The following NUBPL variants were observed in gnomAD, a reference collection of about 807,000 sequenced individuals.
NUBPL encodes NUBP iron-sulfur cluster assembly factor, mitochondrial, also known as iron-sulfur cluster transfer protein NUBPL.
NUBPL carries 31 observed loss-of-function variants against 45.7 expected under a neutral mutation model. The ratio of observed to expected loss-of-function variants is 0.68; its 90% CI spans 0.51 to 0.92. The LOEUF is 0.92. Ranked by LOEUF, NUBPL falls within the 40% of genes least tolerant of loss-of-function variation. The pLI, the probability that NUBPL is intolerant of heterozygous loss-of-function variation, is 0.00. For synonymous variants in NUBPL, 144 were observed against 140.9 expected (o/e 1.02, Z -0.15); for missense variants, 401 against 398.7 (o/e 1.01, Z -0.05).
At chr14:31,744,175 A>G (rs2038346327) in intron 6 of NUBPL, among the ~76,000 whole-genome samples, 1 of 152,246 alleles carries the variant, frequency 6.6e-6, no homozygotes, top group South Asian at 2.1e-4. Flanking sequence ...AAGGTAGATT[A>G]ACAAATGAAT....
chr14:31,620,837 G>A (rs190418079), intron 4 of NUBPL, among the ~76,000 whole-genome samples: 1 of 152,324 alleles, frequency 6.6e-6, no homozygotes, highest in African/African-American at 2.4e-5. Flanking sequence ...GCTCTCTTCA[G>A]AGCTGTTAGG....
intron 6 of NUBPL, among the ~76,000 whole-genome samples, chr14:31,712,243 G>T (rs1175284241): frequency 6.6e-6 from 1 of 152,204 alleles, no homozygotes; most frequent in Non-Finnish European, 1.5e-5. Context: ...AGCGCTGATT[G>T]GTGCATTTAC....
At chr14:31,827,458 C>T (rs1310380127) in intron 8 of NUBPL, among the ~76,000 whole-genome samples, 1 of 151,984 alleles carries the variant, frequency 6.6e-6, no homozygotes, top group Non-Finnish European at 1.5e-5. Context: ...TGAACACACT[C>T]TCATCACCTT....
At chr14:31,644,750 A>G (rs537701769) in intron 4 of NUBPL, among the ~76,000 whole-genome samples, 53 of 152,276 alleles carry the variant, frequency 3.5e-4, no homozygotes, top group African/African-American at 1.3e-3. Flanking sequence ...TAGGGTATTG[A>G]AATCCCCTAC....
chr14:31,648,305 A>G (rs961291489), intron 4 of NUBPL, among the ~76,000 whole-genome samples: 2 of 152,232 alleles, frequency 1.3e-5, no homozygotes, highest in African/African-American at 4.8e-5. Flanking sequence ...TTGGGTTGTA[A>G]GAAAAGCCAT....
intron 10 of NUBPL, among the ~76,000 whole-genome samples, chr14:31,858,557 C>T (rs1045403089): frequency 6.6e-6 from 1 of 152,084 alleles, no homozygotes; most frequent in African/African-American, 2.4e-5. Context: ...CACTGGGATC[C>T]CAGACATAAA....
intron 7 of NUBPL, among the ~76,000 whole-genome samples, chr14:31,789,102 G>A (rs1484857818): frequency 6.6e-6 from 1 of 152,100 alleles, no homozygotes; most frequent in African/African-American, 2.4e-5. Context: ...CGAGGTGGGT[G>A]GATCATGAGG....
At chr14:31,582,397 T>TG in intron 3 of NUBPL, among the ~76,000 whole-genome samples, 1 of 151,054 alleles carries the variant, frequency 6.6e-6, no homozygotes, top group Non-Finnish European at 1.5e-5. Flanking sequence ...TTTTTTTTTT[T>TG]TTTTTTAACA....
At chr14:31,837,800 A>T (rs1001822415) in intron 8 of NUBPL, among the ~76,000 whole-genome samples, 1 of 152,196 alleles carries the variant, frequency 6.6e-6, no homozygotes, top group Non-Finnish European at 1.5e-5. Context: ...ACATATAGTC[A>T]ACTTTATTAA....
At chr14:31,829,355 C>G (rs1416174542) in intron 8 of NUBPL, among the ~76,000 whole-genome samples, 1 of 151,860 alleles carries the variant, frequency 6.6e-6, no homozygotes, top group Non-Finnish European at 1.5e-5. Flanking sequence ...ATTTCTTAAA[C>G]CTGCAGAACA....
intron 6 of NUBPL, among the ~76,000 whole-genome samples, chr14:31,700,501 C>T (rs762175197): frequency 3.9e-5 from 6 of 152,118 alleles, no homozygotes; most frequent in Non-Finnish European, 5.9e-5. Context: ...TCTGGGCTGG[C>T]CAAGGCTGCA....
chr14:31,663,953 G>A (rs772497363), intron 4 of NUBPL, among the ~76,000 whole-genome samples: 5 of 152,012 alleles, frequency 3.3e-5, no homozygotes, highest in African/African-American at 7.2e-5. Context: ...GGTCCTTCAC[G>A]TCCCTTGTAA....
At chr14:31,774,713 G>A (rs891468) in intron 6 of NUBPL, among the ~76,000 whole-genome samples, 78,064 of 152,048 alleles carry the variant, frequency 0.51, 21,677 homozygotes, top group African/African-American at 0.74. Flanking sequence ...TATTTTGAGT[G>A]TAAAATGTAA....
chr14:31,681,496 G>T (rs1259566471), intron 6 of NUBPL, among the ~76,000 whole-genome samples: 10 of 148,908 alleles, frequency 6.7e-5, no homozygotes, highest in African/African-American at 2.2e-4. Context: ...CAAAAAAACC[G>T]ACTTTTCACC....
At chr14:31,703,472 T>G (rs2037381320) in intron 6 of NUBPL, among the ~76,000 whole-genome samples, 1 of 152,202 alleles carries the variant, frequency 6.6e-6, no homozygotes, top group South Asian at 2.1e-4. Context: ...CTGATAAAGA[T>G]GTACCTGAGA....
chr14:31,829,191 TC>T (rs1392838380), intron 8 of NUBPL, among the ~76,000 whole-genome samples: 2 of 152,150 alleles, frequency 1.3e-5, no homozygotes, highest in Non-Finnish European at 2.9e-5. Flanking sequence ...ACTGTGTAAT[TC>T]TTCCAAGTTG....
intron 3 of NUBPL, among the ~76,000 whole-genome samples, chr14:31,595,155 A>G (rs1257749832): frequency 6.6e-6 from 1 of 152,208 alleles, no homozygotes; most frequent in Admixed American, 6.5e-5. Context: ...GCTTTCTTGC[A>G]GTAGTAGTGA....
chr14:31,636,302 C>A (rs1213314255), intron 4 of NUBPL, among the ~76,000 whole-genome samples: 3 of 151,402 alleles, frequency 2.0e-5, no homozygotes, highest in Non-Finnish European at 3.0e-5. Flanking sequence ...TAGCATGAAG[C>A]GTTGTTGAAT....
Position 31,826,708 on chromosome 14 carries a change from C to T in NUBPL, c.687C>T (p.His229=), listed in dbSNP as rs189617541. 9.3e-6 allele frequency: 15 copies of T among 1,613,708 alleles called. No individual in the cohort carries two copies. Among genetic ancestry groups the T allele is most frequent in the Admixed American group, 6.7e-5 (4 of 60,024 alleles). ...HKGAEMFRRV[H]VPVLGLVQNM... is the part of the protein sequence containing the mutation. ...GTGCTGAGATGTTTCGCAGAGTCCA[C>T]GTGCCCGTAAGCGTTTACAGCTTCA... Residue 229 remains histidine, a synonymous_variant, in exon 8 of 11, where the codon CAC becomes CAT. Transcript: ENST00000281081.
Sources: allele counts gnomAD v4.1 joint callset (sites outside exome capture counted in the v4.1 genomes callset), GRCh38; gene constraint gnomAD v4.1.1; transcripts MANE v1.5; gene names NCBI Gene and HGNC (gene_info 2026-07-23, HGNC 2026-07-21).